Variants in DOCK3 observed in about 807,000 individuals in gnomAD.
DOCK3 encodes the protein dedicator of cytokinesis protein 3.
Under a neutral mutation model 265.6 loss-of-function variants are expected in DOCK3, and 60 were observed. That is an observed-to-expected ratio of 0.23 (90% CI 0.18 to 0.28). The LOEUF is 0.28. Among genes scored for constraint, DOCK3 ranks in the 10% least tolerant of loss-of-function variants. The pLI is 1.00. For missense variants in DOCK3, 1,981 were observed against 2,594.3 expected (o/e 0.76, Z 5.14); for synonymous variants, 881 against 938.0 (o/e 0.94, Z 1.11).
chr3:51,193,795 T>C (rs2088095849), intron 12 of DOCK3, among the ~76,000 whole-genome samples: 1 of 117,360 alleles, frequency 8.5e-6, no homozygotes, highest in African/African-American at 3.3e-5. Flanking sequence ...ATTTGGGGGC[T>C]TCTCTCTTTT....
chr3:51,156,833 C>G (rs560549204), intron 10 of DOCK3, among the ~76,000 whole-genome samples: 3 of 152,066 alleles, frequency 2.0e-5, no homozygotes, highest in Non-Finnish European at 4.4e-5. Flanking sequence ...AGTGATTATA[C>G]GAGTCATTTG....
At chr3:50,723,323 G>A (rs2037593440) in intron 1 of DOCK3, among the ~76,000 whole-genome samples, 1 of 152,158 alleles carries the variant, frequency 6.6e-6, no homozygotes, top group Non-Finnish European at 1.5e-5. Flanking sequence ...CATATTGGTA[G>A]TTAGAGTCCT....
At position 51,376,926 on chromosome 3, in the gene DOCK3, G is replaced by A. The variant is rs552808343; in HGVS notation, c.5500+1091G>A. On this transcript the variant is annotated intron_variant, in intron 51 of 52. Coordinates refer to ENST00000266037, the MANE Select transcript of DOCK3 (RefSeq NM_004947.5). ...TCATAGCTTCAAGGTCGTATATCCC[G>A]AAAACATGCAGCTTCTTGGACTTCT... Among the ~76,000 whole-genome samples, 21 of 152,346 alleles carry A rather than the reference G, an allele frequency of 1.4e-4. No individual in the cohort carries two copies. In the South Asian group the frequency reaches 2.9e-3, roughly 21 times the overall value.
At chr3:50,775,041 G>T (rs1239046113) in intron 1 of DOCK3, among the ~76,000 whole-genome samples, 1 of 151,752 alleles carries the variant, frequency 6.6e-6, no homozygotes, top group Non-Finnish European at 1.5e-5. Flanking sequence ...TGCATAGTTG[G>T]ATTTGATTTG....
At chr3:50,839,028 G>C (rs2045670947) in intron 2 of DOCK3, among the ~76,000 whole-genome samples, 1 of 152,202 alleles carries the variant, frequency 6.6e-6, no homozygotes, top group Non-Finnish European at 1.5e-5. Flanking sequence ...TGATTGTCAG[G>C]GCTGGGGCAA....
At chr3:51,125,687 G>A (rs977556114) in intron 9 of DOCK3, among the ~76,000 whole-genome samples, 11 of 152,218 alleles carry the variant, frequency 7.2e-5, no homozygotes, top group African/African-American at 2.6e-4. Flanking sequence ...ATATAGAGGA[G>A]TATGTATGTT....
chr3:51,359,772 C>T lies in DOCK3; in HGVS notation c.4885-739C>T, dbSNP rs765869858. On this transcript the variant is annotated intron_variant, in intron 46 of 52. Transcript: ENST00000266037. This position sits in a 1 kb window ranked among gnomAD's most constrained non-coding sequence, Gnocchi z 4.8. ...CTTTGGAAGAAGCAGGTGGAAAACC[C>T]GGTGCTTCTTCACACCAAGCTCAGA... Among the ~76,000 whole-genome samples the T allele has an allele frequency of 6.6e-5, 10 of 152,308 alleles. No homozygotes were observed. Among genetic ancestry groups the T allele is most frequent in the East Asian group, 1.9e-4 (1 of 5,192 alleles).
At chr3:50,829,977 A>G (rs565243567) in intron 2 of DOCK3, among the ~76,000 whole-genome samples, 3 of 152,346 alleles carry the variant, frequency 2.0e-5, no homozygotes, top group African/African-American at 7.2e-5. Flanking sequence ...GTGCAAATAA[A>G]TGCAGATGAT....
intron 3 of DOCK3, among the ~76,000 whole-genome samples, chr3:50,881,788 A>T (rs1213078803): frequency 6.6e-6 from 1 of 152,186 alleles, no homozygotes; most frequent in Non-Finnish European, 1.5e-5. Flanking sequence ...ATGGAACCAA[A>T]AAGGAGCCCG....
At chr3:50,948,422 T>TC (rs397978005) in intron 5 of DOCK3, among the ~76,000 whole-genome samples, 1 of 146,504 alleles carries the variant, frequency 6.8e-6, no homozygotes, top group Non-Finnish European at 1.5e-5. Flanking sequence ...TTTTTTTTTT[T>TC]AGTCAGAGTC....
At chr3:50,904,157 T>C (rs1178652645) in intron 4 of DOCK3, among the ~76,000 whole-genome samples, 1 of 152,250 alleles carries the variant, frequency 6.6e-6, no homozygotes, top group Non-Finnish European at 1.5e-5. Flanking sequence ...TAATCCAGTC[T>C]ATCATTGATG....
chr3:50,813,447 T>G (rs1176092601), intron 2 of DOCK3, among the ~76,000 whole-genome samples: 2 of 152,174 alleles, frequency 1.3e-5, no homozygotes, highest in African/African-American at 4.8e-5. Flanking sequence ...GAGGATTGCT[T>G]GAACCCAGAA....
chr3:51,298,095 T>C (rs1442471321), intron 27 of DOCK3, among the ~76,000 whole-genome samples: 1 of 152,236 alleles, frequency 6.6e-6, no homozygotes, highest in East Asian at 1.9e-4. Flanking sequence ...ATTTTCTTTG[T>C]GAAAACCTTT....
intron 4 of DOCK3, among the ~76,000 whole-genome samples, chr3:50,909,923 A>G (rs1434166158): frequency 6.6e-6 from 1 of 151,686 alleles, no homozygotes; most frequent in Non-Finnish European, 1.5e-5. Context: ...ATTCCTTTTC[A>G]TTCTTTCTTC....
intron 1 of DOCK3, among the ~76,000 whole-genome samples, chr3:50,727,100 T>C (rs2037879687): frequency 6.6e-6 from 1 of 152,124 alleles, no homozygotes. Context: ...TTAGAACCAA[T>C]AGAAAACAAA....
At chr3:51,050,899 A>G (rs960947920) in intron 5 of DOCK3, among the ~76,000 whole-genome samples, 1 of 152,210 alleles carries the variant, frequency 6.6e-6, no homozygotes, top group Non-Finnish European at 1.5e-5. Context: ...GCATTATATG[A>G]TTATAGATAA....
At chr3:50,807,959 C>T (rs1305147102) in intron 2 of DOCK3, among the ~76,000 whole-genome samples, 1 of 152,130 alleles carries the variant, frequency 6.6e-6, no homozygotes, top group East Asian at 1.9e-4. Flanking sequence ...CCATGTTGCC[C>T]AGGCTGGTCT....
At chr3:51,172,367 G>A (rs1028100777) in intron 12 of DOCK3, among the ~76,000 whole-genome samples, 1 of 152,022 alleles carries the variant, frequency 6.6e-6, no homozygotes, top group Non-Finnish European at 1.5e-5. Context: ...AGTGAGAGAT[G>A]GGGTTTCACC....
intron 22 of DOCK3, among the ~76,000 whole-genome samples, chr3:51,249,221 G>A (rs1353147014): frequency 3.8e-5 from 5 of 131,838 alleles, no homozygotes; most frequent in South Asian, 2.5e-4. Context: ...CCCCCCGCCC[G>A]GCCAGCCGCC....
Sources: allele counts gnomAD v4.1 joint callset (sites outside exome capture counted in the v4.1 genomes callset), GRCh38; gene constraint gnomAD v4.1.1; non-coding constraint Gnocchi (gnomAD v3.1); transcripts MANE v1.5; gene names NCBI Gene and HGNC (gene_info 2026-07-23, HGNC 2026-07-21).